MDM4: variants seen among roughly 807,000 people sequenced by gnomAD.
MDM4 encodes the protein MDM4 regulator of p53, also known as protein Mdm4.
Under a neutral mutation model 60.2 loss-of-function variants are expected in MDM4, and 2 were observed. The observed-to-expected ratio is 0.03, with a 90% CI of 0.01 to 0.10. The LOEUF (loss-of-function observed/expected upper bound fraction) is 0.10, where lower values mean the gene tolerates loss of function less well. MDM4 is among the 10% of genes least tolerant of loss of function. The probability of loss-of-function intolerance (pLI) is 1.00; values close to 1 mark genes in which losing one functional copy is unlikely to be tolerated. For synonymous variants in MDM4, 202 were observed against 198.1 expected (o/e 1.02, Z -0.17); for missense variants, 447 against 577.5 (o/e 0.77, Z 2.32).
intron 3 of MDM4, chr1:204,529,177 T>A: frequency 1.2e-6 from 1 of 831,286 alleles, no homozygotes; most frequent in Non-Finnish European, 2.0e-6. Context: ...TGAGAAGCCG[T>A]AGACATTTAT....
chr1:204,543,004 T>C, intron 8 of MDM4, 60 bp downstream of exon 8: 1 of 1,396,542 alleles, frequency 7.2e-7, no homozygotes, highest in South Asian at 1.2e-5. Context: ...ACATTCTTGG[T>C]TACTCTTGAC....
Position 204,527,596 on chromosome 1 carries a change from T to C in MDM4, c.153+1162T>C, listed in dbSNP as rs563658917. 1.8e-3 allele frequency among the ~76,000 whole-genome samples: 278 copies of C among 151,628 alleles called. 4 individuals are homozygous for C. The highest frequency in any genetic ancestry group is 3.1e-3 in the Admixed American group (47 of 15,220). On this transcript the variant is annotated intron_variant, in intron 3 of 10. Transcript: ENST00000367182. The stretch of plus-strand genomic sequence containing the variant: ...AGGCGGAGGTTGCGGTGAGCCAAGA[T>C]TGTGCCATTGAACTCCATCCTGGGC...
rs950783700 is a variant in MDM4 at position 204,517,952 on chromosome 1, C to T, written c.-36+1443C>T. Among the ~76,000 whole-genome samples, 4 of 151,680 alleles carry T rather than the reference C, an allele frequency of 2.6e-5. No homozygotes were observed. In the South Asian group the frequency reaches 6.2e-4, roughly 24 times the overall value. On this transcript the variant is annotated intron_variant, in intron 1 of 10. Transcript: ENST00000367182. ...CAAGGGGGCAGGTTTGCTTGAGTCTCGGAGTTCGACACCAGCCTAGGCAAC... is the reference window on the plus strand; with the variant it reads ...CAAGGGGGCAGGTTTGCTTGAGTCTTGGAGTTCGACACCAGCCTAGGCAAC...
Position 204,544,638 on chromosome 1 carries a change from A to G in MDM4, c.776A>G (p.Asp259Gly), listed in dbSNP as rs1662468260. 1 of 1,613,706 alleles carries G rather than the reference A, an allele frequency of 6.2e-7. No individual in the cohort carries two copies. The highest frequency in any genetic ancestry group is 1.3e-5 in the African/African-American group (1 of 74,940). The change falls in exon 9 of 11, where the codon GAT becomes GGT. Residue 259 changes from aspartate to glycine, a missense_variant. Coordinates refer to ENST00000367182, the MANE Select transcript of MDM4 (RefSeq NM_002393.5). ...LGVGIKVEAA[D>G]TEQTSEEVGK... Reference sequence around the variant, plus strand: ...GTTGGAATAAAAGTTGAAGCTGCTGATACTGAACAAACAAGTGAAGAAGTA... The same window carrying G: ...GTTGGAATAAAAGTTGAAGCTGCTGGTACTGAACAAACAAGTGAAGAAGTA...
intron 6 of MDM4, 25 bp downstream of exon 6, chr1:204,537,522 T>A: frequency 6.4e-7 from 1 of 1,565,228 alleles, no homozygotes; most frequent in Non-Finnish European, 8.8e-7. Context: ...CGGTGACTTC[T>A]TTTGTTGTAC....
chr1:204,530,676 C>T lies in MDM4; in HGVS notation c.154-8C>T. ...ACAGATCACAACATGGTATTTTATT[C>T]CATGCAGGTCATGCACTATTTAGGT... is the stretch of plus-strand genomic sequence containing the variant. On this transcript the variant is annotated splice_region_variant and splice_polypyrimidine_tract_variant and intron_variant, in intron 3 of 10. Transcript: ENST00000367182. The T allele has an allele frequency of 6.2e-7, 1 of 1,614,082 alleles. No homozygotes were observed. The highest frequency in any genetic ancestry group is 1.1e-5 in the South Asian group (1 of 91,078).
At chr1:204,535,238 G>A (rs952928348) in intron 5 of MDM4, among the ~76,000 whole-genome samples, 2 of 146,998 alleles carry the variant, frequency 1.4e-5, no homozygotes, top group African/African-American at 2.5e-5. Flanking sequence ...GCTCACTGCA[G>A]CCTCCACCTC....
At chr1:204,527,039 A>C (rs2102327733) in intron 3 of MDM4, among the ~76,000 whole-genome samples, 1 of 152,148 alleles carries the variant, frequency 6.6e-6, no homozygotes, top group African/African-American at 2.4e-5. Flanking sequence ...TCACGCCTGC[A>C]ATCCCAGTAT....
At chr1:204,537,961 T>C (rs553269419) in intron 6 of MDM4, 67 of 731,100 alleles carry the variant, frequency 9.2e-5, no homozygotes, top group Non-Finnish European at 1.6e-4. Flanking sequence ...ATAGCCTGTT[T>C]TTAACAGTAG....
intron 6 of MDM4, 86 bp from the exon 7 acceptor site, chr1:204,538,123 C>T: frequency 1.3e-6 from 1 of 798,980 alleles, no homozygotes; most frequent in South Asian, 1.4e-5. Flanking sequence ...GTGTTGCACA[C>T]TAACTGGTGA....
At position 204,538,293 on chromosome 1, in the gene MDM4, A is replaced by T; in HGVS notation, c.496A>T (p.Ile166Leu). The change falls in exon 7 of 11, where the codon ATA becomes TTA. Residue 166 changes from isoleucine (I) to leucine (L), a missense_variant. By Grantham distance (5) the Ile-to-Leu change is conservative. Transcript: ENST00000367182. ...PTLPTSEHKC[I>L]HSREDEDLIE... is the part of the protein sequence containing the mutation. ...ACTGCCTACCTCAGAGCATAAATGCATACATTCTAGAGAAGGTATGTTTTG... is the reference window on the plus strand; with the variant it reads ...ACTGCCTACCTCAGAGCATAAATGCTTACATTCTAGAGAAGGTATGTTTTG... The T allele has an allele frequency of 6.3e-7, 1 of 1,583,518 alleles. No individual in the cohort carries two copies. Among genetic ancestry groups the T allele is most frequent in the Non-Finnish European group, 8.7e-7 (1 of 1,152,334 alleles).
chr1:204,536,218 C>T (rs1661408576), intron 5 of MDM4, among the ~76,000 whole-genome samples: 1 of 152,188 alleles, frequency 6.6e-6, no homozygotes, highest in Non-Finnish European at 1.5e-5. Flanking sequence ...CGCCACTGCT[C>T]TCCAGCCAGG....
At position 204,555,523 on chromosome 1, in the gene MDM4, A is replaced by G; in HGVS notation, c.*5841A>G. Reference sequence around the variant, plus strand: ...AAGGGTCAAATAATGCTAGAAGAGCAATTCCTCTTTCAGAGCAGTTGCTGT... The same window carrying G: ...AAGGGTCAAATAATGCTAGAAGAGCGATTCCTCTTTCAGAGCAGTTGCTGT... On this transcript the variant is annotated 3_prime_UTR_variant, in exon 11 of 11. Coordinates refer to ENST00000367182, the MANE Select transcript of MDM4 (RefSeq NM_002393.5). 5.8e-6 allele frequency: 1 copy of G among 172,268 alleles called. No homozygotes were observed. The highest frequency in any genetic ancestry group is 1.0e-4 in the East Asian group (1 of 9,634). 10.7% of individuals were successfully genotyped at this position (172,268 alleles called of 1,614,324 possible). A position where few individuals can be genotyped will look rare whatever the true frequency, so the allele number is the denominator to read the frequency against.
Position 204,542,815 on chromosome 1 carries a change from T to C in MDM4, c.543T>C (p.Asp181=), listed in dbSNP as rs1265944436. The C allele has an allele frequency of 1.1e-5, 17 of 1,612,310 alleles. No individual in the cohort carries two copies. The highest frequency in any genetic ancestry group is 2.7e-5 in the African/African-American group (2 of 74,836). Residue 181 remains aspartate, a synonymous_variant, in exon 8 of 11, where the codon GAT becomes GAC. Transcript: ENST00000367182. Reference sequence around the variant, plus strand: ...ACTTAATTGAAAATTTAGCCCAAGATGAAACATCTAGGCTGGACCTTGGAT... The same window carrying C: ...ACTTAATTGAAAATTTAGCCCAAGACGAAACATCTAGGCTGGACCTTGGAT... ...DEDLIENLAQ[D]ETSRLDLGFE...
At position 204,549,315 on chromosome 1, in the gene MDM4, C is replaced by T. The variant is rs765614202; in HGVS notation, c.1106C>T (p.Pro369Leu). 6.2e-7 allele frequency: 1 copy of T among 1,614,208 alleles called. No individual in the cohort carries two copies. The change falls in exon 11 of 11, where the codon CCT becomes CTT. Residue 369 changes from proline to leucine, a missense_variant. Pro to Leu is a moderately conservative substitution (Grantham distance 98). Around this residue, in one of 8 missense-constraint regions of MDM4, gnomAD observed 117 missense variants for 114.5 expected, o/e 1.02. Coordinates refer to ENST00000367182, the MANE Select transcript of MDM4 (RefSeq NM_002393.5). ...GATTGTCGAAGAACCATTTCGGCTC[C>T]TGTCGTTAGACCTAAAGATGCGTAT... ...VPDCRRTISA[P>L]VVRPKDAYIK...
intron 9 of MDM4, among the ~76,000 whole-genome samples, chr1:204,545,612 G>A (rs759896147): frequency 2.0e-5 from 3 of 152,156 alleles, no homozygotes; most frequent in Non-Finnish European, 2.9e-5. Flanking sequence ...ATGGTACCTG[G>A]GTTCTCTTAG....
intron 3 of MDM4, among the ~76,000 whole-genome samples, chr1:204,528,207 G>C (rs4252687): frequency 0.58 from 87,613 of 151,930 alleles, 27,887 homozygotes; most frequent in Non-Finnish European, 0.7. Context: ...CCCTGGAGAT[G>C]GAAGCCGAGC....
intron 5 of MDM4, among the ~76,000 whole-genome samples, chr1:204,536,047 G>C (rs977266925): frequency 2.3e-4 from 35 of 151,990 alleles, no homozygotes; most frequent in African/African-American, 7.5e-4. Flanking sequence ...GGATCACAAA[G>C]TCAGGAGTTT....
intron 9 of MDM4, among the ~76,000 whole-genome samples, chr1:204,546,143 G>A (rs1662632805): frequency 6.6e-6 from 1 of 152,072 alleles, no homozygotes. Flanking sequence ...TGTCTGCTTA[G>A]ATAAAAAATT....
Sources: gnomAD v4.1 joint callset for allele counts (sites outside exome capture counted in the v4.1 genomes callset) on GRCh38, gnomAD v4.1.1 for gene constraint, gnomAD v4.1.1 regional missense constraint, MANE v1.5 for transcripts, NCBI Gene and HGNC (gene_info 2026-07-23, HGNC 2026-07-21) for gene names.